CNTNAP3B: variants seen among roughly 807,000 people sequenced by gnomAD.
The protein encoded by CNTNAP3B is contactin-associated protein-like 3B.
A neutral mutation model predicts 108.9 loss-of-function variants in CNTNAP3B; 25 were observed. That is an observed-to-expected ratio of 0.23 (90% CI 0.17 to 0.32). CNTNAP3B has a LOEUF of 0.32. CNTNAP3B is among the 10% of genes least tolerant of loss of function. CNTNAP3B has a pLI of 1.00. For synonymous variants in CNTNAP3B, 103 were observed against 473.4 expected (o/e 0.22, Z 10.16); for missense variants, 252 against 1,210.4 (o/e 0.21, Z 11.75).
chr9:41,944,863 C>A (rs1257087209), intron 13 of CNTNAP3B, among the ~76,000 whole-genome samples: 1 of 152,288 alleles, frequency 6.6e-6, no homozygotes, highest in Non-Finnish European at 1.5e-5. Flanking sequence ...TTTTTGCAAT[C>A]TACCCATCTG....
chr9:41,947,748 CT>C (rs1487821367), intron 13 of CNTNAP3B, among the ~76,000 whole-genome samples: 513 of 152,054 alleles, frequency 3.4e-3, no homozygotes, highest in African/African-American at 0.012. Context: ...AAATCTAGTT[CT>C]AAAAAACAGT....
intron 1 of CNTNAP3B, among the ~76,000 whole-genome samples, chr9:42,118,524 T>C (rs1025349869): frequency 7.5e-6 from 1 of 132,588 alleles, no homozygotes; most frequent in Admixed American, 7.5e-5. Flanking sequence ...ATGGCACCTA[T>C]CTCAAAATAA....
chr9:42,112,870 T>TTG (rs1554757168), intron 1 of CNTNAP3B, among the ~76,000 whole-genome samples: 10 of 122,426 alleles, frequency 8.2e-5, no homozygotes, highest in Admixed American at 3.3e-4. Flanking sequence ...TTTACAGAGT[T>TTG]TTTTTTTTTT....
chr9:42,076,277 T>A (rs1223675800), intron 3 of CNTNAP3B, among the ~76,000 whole-genome samples: 6 of 105,986 alleles, frequency 5.7e-5, no homozygotes, highest in Admixed American at 9.6e-5. Context: ...AAAAAAAAAA[T>A]TAGCCAAGTG....
In CNTNAP3B at chr9:41,972,605, G is replaced by A. The variant is rs925561573; in HGVS notation, c.1478-2360C>T. Among the ~76,000 whole-genome samples, 9 of 137,986 alleles carry A rather than the reference G, an allele frequency of 6.5e-5. 2 individuals are homozygous for A. Among genetic ancestry groups the A allele is most frequent in the Non-Finnish European group, 9.3e-5 (6 of 64,692 alleles). 90.5% of individuals were successfully genotyped at this position (137,986 alleles called of 152,430 possible). On this transcript the variant is annotated intron_variant, in intron 9 of 23. Transcript: ENST00000377561. ...TATTAAGGCTTCTTTTTAGCTTATC[G>A]AAACTATACATAACCTCACAGACAC...
At chr9:41,923,692 G>A (rs1275296673) in intron 16 of CNTNAP3B, among the ~76,000 whole-genome samples, 1 of 152,300 alleles carries the variant, frequency 6.6e-6, no homozygotes, top group Non-Finnish European at 1.5e-5. Flanking sequence ...AACCCAGGAG[G>A]CTGAGGTTGC....
At chr9:41,930,622 A>G (rs1823949547) in intron 14 of CNTNAP3B, among the ~76,000 whole-genome samples, 1 of 152,288 alleles carries the variant, frequency 6.6e-6, no homozygotes, top group Non-Finnish European at 1.5e-5. Flanking sequence ...CTGGGAATTG[A>G]GGACACAGAG....
At chr9:41,960,996 A>C (rs1303471175) in intron 11 of CNTNAP3B, 104 bp from the exon 12 acceptor site, 1 of 1,505,080 alleles carries the variant, frequency 6.6e-7, no homozygotes, top group Non-Finnish European at 8.9e-7. Context: ...GATACATATG[A>C]CCCAACATCA....
chr9:42,056,199 G>A (rs1446952675), intron 3 of CNTNAP3B, among the ~76,000 whole-genome samples: 2 of 134,078 alleles, frequency 1.5e-5, no homozygotes, highest in African/African-American at 2.9e-5. Context: ...ATAGTTGAAA[G>A]TAATGTCCTA....
intron 3 of CNTNAP3B, among the ~76,000 whole-genome samples, chr9:42,068,043 C>A (rs796336237): frequency 7.2e-6 from 1 of 139,424 alleles, no homozygotes; most frequent in East Asian, 2.2e-4. Context: ...TCTGGGATAG[C>A]AGTAAAACAG....
intron 3 of CNTNAP3B, among the ~76,000 whole-genome samples, chr9:42,056,303 A>T (rs1441840714): frequency 7.6e-6 from 1 of 132,168 alleles, no homozygotes; most frequent in African/African-American, 3.0e-5. Context: ...CTTATAAACA[A>T]GGTTGAATAT....
chr9:42,110,583 G>T (rs564618751), intron 1 of CNTNAP3B, among the ~76,000 whole-genome samples: 1 of 135,988 alleles, frequency 7.4e-6, no homozygotes, highest in South Asian at 2.4e-4. Flanking sequence ...AGACTGTCTC[G>T]ATTAGGTCAA....
rs1166238180 is a variant in CNTNAP3B at position 42,015,476 on chromosome 9, A to G, written c.391-1951T>C. On this transcript the variant is annotated intron_variant, in intron 3 of 23. Transcript: ENST00000377561. ...CTGTCTGGACAGCCCAGGCTGACCT[A>G]TATAAAATAAGCCATATCCCAGCTC... Among the ~76,000 whole-genome samples the G allele has an allele frequency of 2.3e-5, 2 of 86,240 alleles. 1 individual carries two copies. The highest frequency in any genetic ancestry group is 4.7e-5 in the Non-Finnish European group (2 of 42,136). The allele number at this position is 86,240 out of a possible 152,430, so 56.6% of individuals were successfully genotyped here. A position where few individuals can be genotyped will look rare whatever the true frequency, so the allele number is the denominator to read the frequency against.
rs112688586 is a variant in CNTNAP3B at position 42,118,478 on chromosome 9, G to A, written c.85+10532C>T. ...AAGGCCTTTGACAAAATTCAAAGAC[G>A]CTTCATGCTAAAAACTCTCAACAAA... On this transcript the variant is annotated intron_variant, in intron 1 of 23. Coordinates refer to ENST00000377561, the MANE Select transcript of CNTNAP3B (RefSeq NM_001201380.3). Among the ~76,000 whole-genome samples the A allele has an allele frequency of 7.4e-5, 10 of 135,648 alleles. 2 individuals carry two copies. The highest frequency in any genetic ancestry group is 1.2e-4 in the African/African-American group (4 of 33,872). 89.0% of individuals were successfully genotyped at this position (135,648 alleles called of 152,430 possible).
chr9:42,081,469 G>T (rs1347782538), intron 2 of CNTNAP3B, among the ~76,000 whole-genome samples: 1 of 138,904 alleles, frequency 7.2e-6, no homozygotes, highest in Admixed American at 7.2e-5. Flanking sequence ...AGCATATATT[G>T]TATGCTGAGA....
At chr9:42,062,013 G>A (rs1255825347) in intron 3 of CNTNAP3B, among the ~76,000 whole-genome samples, 3 of 77,184 alleles carry the variant, frequency 3.9e-5, no homozygotes, top group Non-Finnish European at 8.1e-5. Context: ...ATTTACAACT[G>A]TTACATTCTC....
At chr9:42,034,186 G>GTATCTATC (rs56816783) in intron 3 of CNTNAP3B, among the ~76,000 whole-genome samples, 1,674 of 124,366 alleles carry the variant, frequency 0.013, 292 homozygotes, top group African/African-American at 0.034. Flanking sequence ...ATGTATATAT[G>GTATCTATC]TATCTATCTA....
At chr9:41,961,821 T>G (rs185280191) in intron 11 of CNTNAP3B, among the ~76,000 whole-genome samples, 233 of 152,332 alleles carry the variant, frequency 1.5e-3, no homozygotes, top group African/African-American at 4.6e-3. Flanking sequence ...AATTGAATAT[T>G]TTCATTTGTG....
chr9:41,972,533 A>T (rs1317272064), intron 9 of CNTNAP3B, among the ~76,000 whole-genome samples: 2 of 138,470 alleles, frequency 1.4e-5, no homozygotes, highest in East Asian at 4.4e-4. Context: ...TATCTCTTTA[A>T]CTTTAATACT....
Sources: gnomAD v4.1 joint callset for allele counts (sites outside exome capture counted in the v4.1 genomes callset) on GRCh38, gnomAD v4.1.1 for gene constraint, MANE v1.5 for transcripts, NCBI Gene and HGNC (gene_info 2026-07-23, HGNC 2026-07-21) for gene names.